Variants in CFAP100 observed in about 807,000 individuals in gnomAD.
The protein encoded by CFAP100 is cilia- and flagella-associated protein 100.
In CFAP100, 70 loss-of-function variants were observed where a neutral mutation model predicts 81.5. That is an observed-to-expected ratio of 0.86 (90% confidence interval 0.71 to 1.05). The LOEUF (loss-of-function observed/expected upper bound fraction) is 1.05. CFAP100 is among the 50% of genes least tolerant of loss of function. CFAP100 has a pLI of 0.00. For missense variants in CFAP100, 811 were observed against 776.5 expected (o/e 1.04, Z -0.53); for synonymous variants, 341 against 314.8 (o/e 1.08, Z -0.88).
At chr3:126,400,537 AG>A (rs2082957762) in intron 2 of CFAP100, among the ~76,000 whole-genome samples, 2 of 152,144 alleles carry the variant, frequency 1.3e-5, no homozygotes, top group Non-Finnish European at 2.9e-5. Context: ...GCGGATCACG[AG>A]GTCAGGAGAT....
At chr3:126,428,352 TAGAG>T (rs1211758112) in intron 13 of CFAP100, among the ~76,000 whole-genome samples, 1 of 146,746 alleles carries the variant, frequency 6.8e-6, no homozygotes, top group African/African-American at 2.5e-5. Flanking sequence ...ACCAGGGACT[TAGAG>T]GGAGAGAGGG....
chr3:126,412,964 A>G (rs2083180641), intron 3 of CFAP100, among the ~76,000 whole-genome samples: 1 of 152,144 alleles, frequency 6.6e-6, no homozygotes, highest in Admixed American at 6.5e-5. Flanking sequence ...CTAGCTATCC[A>G]TTTGCTTTTG....
rs141942694 is a variant in CFAP100 at position 126,434,341 on chromosome 3, G to C, written c.1588G>C (p.Glu530Gln). The part of the protein sequence containing the change: ...NLEHVPQVKI[E>Q]QAERAKEKER... ...GGAGCACGTGCCCCAGGTCAAGATCGAGCAGGCCGAGAGGGCAAAGGAGAA... is the reference window on the plus strand; with the variant it reads ...GGAGCACGTGCCCCAGGTCAAGATCCAGCAGGCCGAGAGGGCAAAGGAGAA... Residue 530 changes from glutamate (E) to glutamine (Q), a missense_variant, in exon 15 of 17, where the codon GAG (glutamate) becomes CAG (glutamine). Transcript: ENST00000352312. 6.2e-7 allele frequency: 1 copy of C among 1,613,996 alleles called. No individual in the cohort carries two copies. Among genetic ancestry groups the C allele is most frequent in the Non-Finnish European group, 8.5e-7 (1 of 1,180,004 alleles).
intron 13 of CFAP100, among the ~76,000 whole-genome samples, chr3:126,429,289 T>C (rs1933088441): frequency 6.6e-6 from 1 of 152,172 alleles, no homozygotes; most frequent in Non-Finnish European, 1.5e-5. Flanking sequence ...GATTCAGTCT[T>C]GGTAGGTTGT....
chr3:126,412,302 C>T (rs1373628198), intron 3 of CFAP100, among the ~76,000 whole-genome samples: 1 of 152,122 alleles, frequency 6.6e-6, no homozygotes, highest in African/African-American at 2.4e-5. Flanking sequence ...TACACTGGGC[C>T]CACCTGGACA....
At chr3:126,422,728 A>G (rs2083352319) in intron 11 of CFAP100, among the ~76,000 whole-genome samples, 1 of 152,166 alleles carries the variant, frequency 6.6e-6, no homozygotes, top group African/African-American at 2.4e-5. Flanking sequence ...GAGTCCCTCT[A>G]TTGCTGTGAG....
chr3:126,412,286 C>T (rs13092500), intron 3 of CFAP100, among the ~76,000 whole-genome samples: 92,796 of 151,582 alleles, frequency 0.61, 29,025 homozygotes, highest in Non-Finnish European at 0.7. Context: ...CAAGGTCCCC[C>T]GTGGTTACAC....
intron 3 of CFAP100, 69 bp from the exon 4 acceptor site, chr3:126,414,016 G>T: frequency 8.7e-7 from 1 of 1,153,544 alleles, no homozygotes; most frequent in South Asian, 1.2e-5. Flanking sequence ...AGGCAGTGGG[G>T]CCCCAGAGAC....
At chr3:126,430,827 T>C (rs868534513) in intron 13 of CFAP100, among the ~76,000 whole-genome samples, 2 of 152,250 alleles carry the variant, frequency 1.3e-5, no homozygotes, top group Non-Finnish European at 1.5e-5. Flanking sequence ...TTTTGTTTAG[T>C]TGCCTATCTG....
At position 126,436,499 on chromosome 3, in the gene CFAP100, T is replaced by A. The variant is rs1482646302; in HGVS notation, c.*95T>A. 1.2e-6 allele frequency: 1 copy of A among 816,360 alleles called. No homozygotes were observed. Among genetic ancestry groups the A allele is most frequent in the Non-Finnish European group, 2.1e-6 (1 of 487,794 alleles). 50.6% of individuals were successfully genotyped at this position (816,360 alleles called of 1,614,324 possible). The stretch of plus-strand genomic sequence containing the variant: ...CTGGGTCTCGAGTGGCCCAACTGAG[T>A]CCTCTCTGTCTCCTGTGTGCTCCCT... On this transcript the variant is annotated 3_prime_UTR_variant, in exon 17 of 17. Transcript: ENST00000352312.
chr3:126,417,906 C>G (rs77157716), intron 5 of CFAP100, among the ~76,000 whole-genome samples: 3,357 of 152,374 alleles, frequency 0.022, 121 homozygotes, highest in African/African-American at 0.074. Flanking sequence ...GGAAAGGGGC[C>G]CCTATGGCCC....
chr3:126,432,931 C>A, intron 13 of CFAP100, 138 bp from the exon 14 acceptor site: 1 of 815,748 alleles, frequency 1.2e-6, no homozygotes, highest in Non-Finnish European at 1.8e-6. Context: ...CCTGGGCATG[C>A]AGAGACTTGG....
chr3:126,425,944 T>C (rs1418234363), intron 13 of CFAP100, among the ~76,000 whole-genome samples: 1 of 152,146 alleles, frequency 6.6e-6, no homozygotes, highest in South Asian at 2.1e-4. Context: ...ACAGCTAACA[T>C]CTTACCTAAT....
At chr3:126,396,420 C>T (rs998704071) in intron 2 of CFAP100, 1 of 214,322 alleles carries the variant, frequency 4.7e-6, no homozygotes, top group African/African-American at 2.3e-5. Flanking sequence ...GCATCACTCC[C>T]ATCTCAGCCT....
chr3:126,433,961 G>A, intron 14 of CFAP100: 3 of 543,230 alleles, frequency 5.5e-6, no homozygotes, highest in African/African-American at 1.9e-5. Context: ...CTGGAACCAG[G>A]GATCTGGCTG....
chr3:126,424,642 G>A (rs901649424), intron 13 of CFAP100, among the ~76,000 whole-genome samples: 2 of 152,266 alleles, frequency 1.3e-5, no homozygotes, highest in African/African-American at 4.8e-5. Context: ...CTGGGTCTAA[G>A]CTCTGCAAGG....
chr3:126,408,860 C>A (rs1384957538), intron 3 of CFAP100, among the ~76,000 whole-genome samples: 1 of 152,226 alleles, frequency 6.6e-6, no homozygotes, highest in Non-Finnish European at 1.5e-5. Flanking sequence ...TCGATCACAG[C>A]TCACTGCAGC....
In CFAP100 at chr3:126,418,497, A is replaced by G. The variant is rs2083276690; in HGVS notation, c.458A>G (p.Lys153Arg). 1.2e-6 allele frequency: 2 copies of G among 1,614,140 alleles called. No individual in the cohort carries two copies. Among genetic ancestry groups the G allele is most frequent in the Non-Finnish European group, 8.5e-7 (1 of 1,180,036 alleles). Residue 153 changes from lysine to arginine, a missense_variant, in exon 6 of 17, where the codon AAG becomes AGG. Coordinates refer to ENST00000352312, the MANE Select transcript of CFAP100 (RefSeq NM_182628.3). Reference sequence around the variant, plus strand: ...CCTGAGAACATGAGTGGCTACATTAAGCAGAAGCGGCAAATGTTCCTCCTC... The same window carrying G: ...CCTGAGAACATGAGTGGCTACATTAGGCAGAAGCGGCAAATGTTCCTCCTC... ...VEPENMSGYI[K>R]QKRQMFLLQY... is the part of the protein sequence containing the mutation.
Position 126,395,935 on chromosome 3 carries a change from T to C in CFAP100, c.-59-7T>C. ...CCACCAGGCTCAAGCACTGTGTCAC[T>C]CCTCAGGTGAGGATCTCCTTTAGAA... is the stretch of plus-strand genomic sequence containing the variant. On this transcript the variant is annotated splice_region_variant and splice_polypyrimidine_tract_variant and intron_variant, in intron 1 of 16. Coordinates refer to ENST00000352312, the MANE Select transcript of CFAP100 (RefSeq NM_182628.3). The C allele has an allele frequency of 7.2e-7, 1 of 1,388,480 alleles. No individual in the cohort carries two copies. The highest frequency in any genetic ancestry group is 1.0e-6 in the Non-Finnish European group (1 of 976,584). 86.0% of individuals were successfully genotyped at this position (1,388,480 alleles called of 1,614,324 possible).
Sources: allele counts gnomAD v4.1 joint callset (sites outside exome capture counted in the v4.1 genomes callset), GRCh38; gene constraint gnomAD v4.1.1; transcripts MANE v1.5; gene names NCBI Gene and HGNC (gene_info 2026-07-23, HGNC 2026-07-21).